The following NRXN2 variants were observed in gnomAD, a reference collection of about 807,000 sequenced individuals.
NRXN2 encodes neurexin 2.
NRXN2 carries 29 observed loss-of-function variants against 128.8 expected under a neutral mutation model. The ratio of observed to expected loss-of-function variants is 0.23; its 90% CI spans 0.17 to 0.31. NRXN2 has a LOEUF of 0.31. NRXN2 is among the 10% of genes least tolerant of loss of function. The pLI is 1.00. For missense variants in NRXN2, 1,881 were observed against 2,452.6 expected (o/e 0.77, Z 4.92); for synonymous variants, 1,098 against 1,075.2 (o/e 1.02, Z -0.41).
chr11:64,682,459 G>A (rs565312935), intron 6 of NRXN2, among the ~76,000 whole-genome samples: 10 of 151,776 alleles, frequency 6.6e-5, no homozygotes, highest in African/African-American at 2.2e-4. Context: ...CTCCATCCTC[G>A]GGGACCACAT....
intron 9 of NRXN2, among the ~76,000 whole-genome samples, chr11:64,665,806 T>C (rs1041786755): frequency 6.6e-6 from 1 of 152,224 alleles, no homozygotes; most frequent in South Asian, 2.1e-4. Context: ...TTCTCATTTA[T>C]ATCAATTTCC....
chr11:64,627,942 G>A (rs2043310842), intron 19 of NRXN2, among the ~76,000 whole-genome samples: 2 of 152,156 alleles, frequency 1.3e-5, no homozygotes, highest in Admixed American at 6.5e-5. Context: ...AGGTACACAC[G>A]ATGTGTTCAT....
At chr11:64,720,471 G>A (rs1015875887) in intron 1 of NRXN2, among the ~76,000 whole-genome samples, 1 of 152,176 alleles carries the variant, frequency 6.6e-6, no homozygotes, top group Non-Finnish European at 1.5e-5. Context: ...TTAATGCGGG[G>A]GGTGGGGCCA....
At chr11:64,639,003 C>T (rs1200746660) in intron 17 of NRXN2, among the ~76,000 whole-genome samples, 2 of 152,236 alleles carry the variant, frequency 1.3e-5, no homozygotes, top group Non-Finnish European at 2.9e-5. Context: ...ACAACATAAT[C>T]ATCCATGTAG....
chr11:64,620,278 G>C lies in NRXN2; in HGVS notation c.4252+16C>G, dbSNP rs2135317376. 6.5e-7 allele frequency: 1 copy of C among 1,546,842 alleles called. No individual in the cohort carries two copies. Among genetic ancestry groups the C allele is most frequent in the Middle Eastern group, 1.7e-4 (1 of 5,930 alleles). ...GCAGAGGGACCCGGGGCAGGGGAGGGGGGAAAGGCACTCACCAGTACTGGG... is the reference window on the plus strand; with the variant it reads ...GCAGAGGGACCCGGGGCAGGGGAGGCGGGAAAGGCACTCACCAGTACTGGG... On this transcript the variant is annotated intron_variant, in intron 22 of 22. Coordinates refer to ENST00000265459, the MANE Select transcript of NRXN2 (RefSeq NM_015080.4).
intron 2 of NRXN2, among the ~76,000 whole-genome samples, chr11:64,699,934 CA>C (rs1437850022): frequency 1.3e-5 from 2 of 152,168 alleles, no homozygotes; most frequent in Non-Finnish European, 2.9e-5. Context: ...GTAGGTATTT[CA>C]AAAAGTATTT....
chr11:64,651,125 C>G lies in NRXN2; in HGVS notation c.2918+130G>C, dbSNP rs1466301782. ...AAGAGGGAGCCTCTCGACTTACGGT[C>G]GGGGACCTGAATCTTGACTTGTGAT... is the stretch of plus-strand genomic sequence containing the variant. On this transcript the variant is annotated intron_variant, in intron 14 of 22. Transcript: ENST00000265459. The surrounding 1 kb of genome is among the most constrained non-coding windows in gnomAD (Gnocchi z 5.9). 1 of 1,282,376 alleles carries G rather than the reference C, an allele frequency of 7.8e-7. No homozygotes were observed. Among genetic ancestry groups the G allele is most frequent in the Non-Finnish European group, 1.1e-6 (1 of 898,930 alleles). 79.4% of individuals were successfully genotyped at this position (1,282,376 alleles called of 1,614,324 possible).
chr11:64,634,270 G>A (rs2044356185), intron 18 of NRXN2, among the ~76,000 whole-genome samples: 1 of 152,190 alleles, frequency 6.6e-6, no homozygotes, highest in African/African-American at 2.4e-5. Context: ...AAACAAGGTG[G>A]CTGTTAGGGG....
chr11:64,686,165 A>G (rs2053021777), intron 5 of NRXN2, among the ~76,000 whole-genome samples: 1 of 151,948 alleles, frequency 6.6e-6, no homozygotes. Context: ...CCCTGTGTCC[A>G]TTTCCAAACC....
intron 22 of NRXN2, among the ~76,000 whole-genome samples, chr11:64,618,679 T>C (rs971264940): frequency 1.3e-5 from 2 of 152,142 alleles, no homozygotes; most frequent in African/African-American, 4.8e-5. Flanking sequence ...TGTACATCCT[T>C]GAGCCAAGAT....
rs2057126096 is a variant in NRXN2 at position 64,713,305 on chromosome 11, G to T, written c.395C>A (p.Ala132Asp). ...RRTALAVDGE[A>D]RAAEVRSKRR... ...CTTGGAGCGCACCTCGGCGGCGCGGGCCTCGCCGTCCACCGCCAGCGCCGT... is the reference window on the plus strand; with the variant it reads ...CTTGGAGCGCACCTCGGCGGCGCGGTCCTCGCCGTCCACCGCCAGCGCCGT... Residue 132 changes from alanine to aspartate, a missense_variant, in exon 2 of 23, where the codon GCC becomes GAC. Around this residue, in one of 7 missense-constraint regions of NRXN2, gnomAD observed 997 missense variants for 1,240.8 expected, o/e 0.80. Transcript: ENST00000265459. 6.6e-6 allele frequency: 9 copies of T among 1,363,422 alleles called. No individual in the cohort carries two copies. Among genetic ancestry groups the T allele is most frequent in the Non-Finnish European group, 3.8e-6 (4 of 1,064,406 alleles). 84.5% of individuals were successfully genotyped at this position (1,363,422 alleles called of 1,614,324 possible).
Position 64,632,176 on chromosome 11 carries a change from G to A in NRXN2, c.3586-1603C>T, listed in dbSNP as rs941333845. Among the ~76,000 whole-genome samples, 1 of 152,206 alleles carries A rather than the reference G, an allele frequency of 6.6e-6. No homozygotes were observed. Among genetic ancestry groups the A allele is most frequent in the African/African-American group, 2.4e-5 (1 of 41,440 alleles). On this transcript the variant is annotated intron_variant, in intron 18 of 22. Transcript: ENST00000265459. This position sits in a 1 kb window ranked among gnomAD's most constrained non-coding sequence, Gnocchi z 4.2. Reference sequence around the variant, plus strand: ...GTTGGGGGACAAGGTTTGCAGCTGTGGCTCAGGAGACCCATGTCCTATCCC... The same window carrying A: ...GTTGGGGGACAAGGTTTGCAGCTGTAGCTCAGGAGACCCATGTCCTATCCC...
In NRXN2 at chr11:64,687,733, G is replaced by T. The variant is rs554748925; in HGVS notation, c.851-1786C>A. Among the ~76,000 whole-genome samples the T allele has an allele frequency of 2.6e-5, 4 of 152,334 alleles. No homozygotes were observed. The South Asian group carries it at 6.2e-4, about 24-fold the overall frequency. On this transcript the variant is annotated intron_variant, in intron 5 of 22. Transcript: ENST00000265459. ...AGACAAGAAATGAAGACGGCTCAGGGCTGTGAGGGAGCAAGAAGGGATGAG... is the reference window on the plus strand; with the variant it reads ...AGACAAGAAATGAAGACGGCTCAGGTCTGTGAGGGAGCAAGAAGGGATGAG...
intron 7 of NRXN2, among the ~76,000 whole-genome samples, chr11:64,671,285 G>T (rs1444890527): frequency 6.6e-6 from 1 of 152,102 alleles, no homozygotes; most frequent in African/African-American, 2.4e-5. Context: ...GTTCTGGGTG[G>T]AAAGGAAGCC....
Position 64,701,838 on chromosome 11 carries a change from G to A in NRXN2, c.731-4046C>T, listed in dbSNP as rs1211113469. On this transcript the variant is annotated intron_variant, in intron 2 of 22. Coordinates refer to ENST00000265459, the MANE Select transcript of NRXN2 (RefSeq NM_015080.4). ...CGGCAGGTGAGGGGCGCCTCTGCCC[G>A]GCCGCCCCTACTGGGAAGTGAGGAG... Among the ~76,000 whole-genome samples, 13 of 126,440 alleles carry A rather than the reference G, an allele frequency of 1.0e-4. No individual in the cohort carries two copies. The East Asian group carries it at 1.9e-3, about 19-fold the overall frequency. 82.9% of individuals were successfully genotyped at this position (126,440 alleles called of 152,430 possible).
intron 6 of NRXN2, among the ~76,000 whole-genome samples, chr11:64,684,311 C>G (rs1336958072): frequency 6.6e-6 from 1 of 152,162 alleles, no homozygotes; most frequent in Admixed American, 6.5e-5. Context: ...ATGACACACT[C>G]AGATGTGCTC....
intron 6 of NRXN2, among the ~76,000 whole-genome samples, chr11:64,685,109 T>G (rs909710938): frequency 6.6e-6 from 1 of 152,058 alleles, no homozygotes; most frequent in African/African-American, 2.4e-5. Context: ...GCCTCTGCCC[T>G]AAAAAAGCCT....
At position 64,651,567 on chromosome 11, in the gene NRXN2, C is replaced by A; in HGVS notation, c.2606G>T (p.Arg869Leu). Residue 869 changes from arginine (R) to leucine (L), a missense_variant, in exon 14 of 23, where the codon CGG becomes CTG. Physicochemically the swap from Arg to Leu is moderately radical, Grantham distance 102. Transcript: ENST00000265459. This position sits in a 1 kb window ranked among gnomAD's most constrained non-coding sequence, Gnocchi z 5.9. ...NIETGIMTER[R>L]FISVVPSNFI... ...GTTGGAGGGCACCACGGAGATAAAC[C>A]GCCGCTCCGTCATGATGCCCGTCTC... is the stretch of plus-strand genomic sequence containing the variant. The A allele has an allele frequency of 2.5e-6, 4 of 1,614,132 alleles. No homozygotes were observed. The South Asian group carries it at 4.4e-5, about 18-fold the overall frequency.
chr11:64,668,753 T>TG (rs1223912073), intron 7 of NRXN2, 149 bp from the exon 8 acceptor site: 2 of 816,496 alleles, frequency 2.4e-6, no homozygotes, highest in Non-Finnish European at 4.0e-6. Context: ...GGAGGAACAG[T>TG]GGGGGAAGAG....
Sources: gnomAD v4.1 joint callset for allele counts (sites outside exome capture counted in the v4.1 genomes callset) on GRCh38, gnomAD v4.1.1 for gene constraint, gnomAD v4.1.1 regional missense constraint, Gnocchi (gnomAD v3.1) non-coding constraint, MANE v1.5 for transcripts, NCBI Gene and HGNC (gene_info 2026-07-23, HGNC 2026-07-21) for gene names.